SMIM35: variants seen among roughly 807,000 people sequenced by gnomAD.
The protein encoded by SMIM35 is small integral membrane protein 35.
Position 118,020,761 on chromosome 11 carries a change from G to A in SMIM35, c.8-4952C>T, listed in dbSNP as rs565383824. On this transcript the variant is annotated intron_variant, in intron 1 of 4. Coordinates refer to ENST00000689828, the MANE Select transcript of SMIM35 (RefSeq NM_001394165.1). ...GGATATGTAGACTATTATATTGTCC[G>A]CAAATAAAGGCCATTTGCTTTCTTA... Among the ~76,000 whole-genome samples the A allele has an allele frequency of 1.1e-4, 16 of 150,504 alleles. No individual in the cohort carries two copies. In the South Asian group the frequency reaches 1.9e-3, roughly 18 times the overall value.
intron 2 of SMIM35, 37 bp from the exon 3 acceptor site, chr11:118,014,778 C>T: frequency 2.5e-6 from 1 of 398,882 alleles, no homozygotes; most frequent in Non-Finnish European, 4.4e-6. Context: ...GTTAGCACCT[C>T]CAGGGGAAGC....
At chr11:118,061,865 A>G (rs1944399511) in intron 1 of SMIM35, among the ~76,000 whole-genome samples, 1 of 151,978 alleles carries the variant, frequency 6.6e-6, no homozygotes. Context: ...AGGGATTCCC[A>G]CTTTTGCAGC....
intron 1 of SMIM35, among the ~76,000 whole-genome samples, chr11:118,065,592 A>G (rs1243706209): frequency 2.0e-5 from 3 of 152,130 alleles, no homozygotes; most frequent in African/African-American, 7.2e-5. Flanking sequence ...GTAACTTTGT[A>G]ACTTCACTTC....
intron 1 of SMIM35, among the ~76,000 whole-genome samples, chr11:118,050,313 C>T (rs1380184364): frequency 1.3e-5 from 2 of 152,248 alleles, no homozygotes; most frequent in Non-Finnish European, 2.9e-5. Flanking sequence ...CCCCACAGGC[C>T]TCCTGGGCTC....
intron 1 of SMIM35, among the ~76,000 whole-genome samples, chr11:118,074,269 A>G (rs1249176886): frequency 6.6e-6 from 1 of 152,200 alleles, no homozygotes; most frequent in Non-Finnish European, 1.5e-5. Flanking sequence ...CATGCTGGAA[A>G]CAGATAAGGA....
chr11:118,051,114 T>C (rs1401374788), intron 1 of SMIM35, among the ~76,000 whole-genome samples: 1 of 152,218 alleles, frequency 6.6e-6, no homozygotes, highest in African/African-American at 2.4e-5. Flanking sequence ...AAAGGACCAG[T>C]GGATATCGGA....
intron 1 of SMIM35, among the ~76,000 whole-genome samples, chr11:118,067,860 C>CATATATATATAT (rs57497227): frequency 3.3e-4 from 27 of 80,936 alleles, no homozygotes; most frequent in South Asian, 7.9e-4. Flanking sequence ...CAACAACAAA[C>CATATATATATAT]ATATATATAT....
chr11:118,023,862 A>T (rs544381572), intron 1 of SMIM35, among the ~76,000 whole-genome samples: 1 of 152,212 alleles, frequency 6.6e-6, no homozygotes, highest in South Asian at 2.1e-4. Flanking sequence ...GTGAAACACC[A>T]TCTCTACCAA....
chr11:118,059,890 C>A (rs182645325), intron 1 of SMIM35, among the ~76,000 whole-genome samples: 1 of 152,228 alleles, frequency 6.6e-6, no homozygotes, highest in African/African-American at 2.4e-5. Context: ...GGATCAGAGG[C>A]CTCCCACTCC....
Position 118,073,763 on chromosome 11 carries a change from C to T in SMIM35, c.7+12988G>A, listed in dbSNP as rs548971028. Among the ~76,000 whole-genome samples the T allele has an allele frequency of 2.0e-5, 3 of 152,372 alleles. No homozygotes were observed. The East Asian group carries it at 5.8e-4, about 29-fold the overall frequency. ...GGCCTTGGACCTCCCCCATGGACAC[C>T]AGCGAGTTCCCCTGGCCTCTGGGTC... On this transcript the variant is annotated intron_variant, in intron 1 of 4. Transcript: ENST00000689828.
chr11:118,050,038 A>T (rs1477939268), intron 1 of SMIM35, among the ~76,000 whole-genome samples: 1 of 152,140 alleles, frequency 6.6e-6, no homozygotes, highest in Non-Finnish European at 1.5e-5. Context: ...AGGGTCTTTG[A>T]AGTCTCTCAG....
chr11:118,027,516 T>A (rs644920), intron 1 of SMIM35, among the ~76,000 whole-genome samples: 20,781 of 152,178 alleles, frequency 0.14, 1,455 homozygotes, highest in Admixed American at 0.16. Flanking sequence ...TCCTTTCCAT[T>A]ATTCTTTATT....
chr11:118,053,615 T>A (rs1251501817), intron 1 of SMIM35, among the ~76,000 whole-genome samples: 1 of 152,180 alleles, frequency 6.6e-6, no homozygotes, highest in Non-Finnish European at 1.5e-5. Context: ...CCCCAAGAAC[T>A]AGAGGCAACG....
At chr11:118,035,265 A>G (rs1257678753) in intron 1 of SMIM35, among the ~76,000 whole-genome samples, 1 of 152,048 alleles carries the variant, frequency 6.6e-6, no homozygotes, top group Non-Finnish European at 1.5e-5. Context: ...CATTAGCTCT[A>G]AGTAGAGCCC....
chr11:118,077,283 G>C, intron 1 of SMIM35: 1 of 1,601,044 alleles, frequency 6.2e-7, no homozygotes, highest in Non-Finnish European at 8.5e-7. Flanking sequence ...CAGGGAGACC[G>C]GGAGGATCAC....
intron 1 of SMIM35, among the ~76,000 whole-genome samples, chr11:118,034,097 A>G (rs1348336615): frequency 6.6e-6 from 1 of 150,550 alleles, no homozygotes; most frequent in African/African-American, 2.4e-5. Context: ...GTGAAACCCC[A>G]TCTCTCCTAA....
At chr11:118,055,654 ATCC>A (rs1366809609) in intron 1 of SMIM35, among the ~76,000 whole-genome samples, 1 of 152,104 alleles carries the variant, frequency 6.6e-6, no homozygotes, top group Non-Finnish European at 1.5e-5. Context: ...ATTCATTCTC[ATCC>A]TCCTCTTCAC....
chr11:118,013,699 C>T (rs560461039), intron 4 of SMIM35, 49 bp downstream of exon 4: 43 of 398,008 alleles, frequency 1.1e-4, no homozygotes, highest in African/African-American at 4.3e-4. Context: ...CTCTTAGGAC[C>T]TTACTTGGAC....
In SMIM35 at chr11:118,009,208, A is replaced by G. The variant is rs558292552; in HGVS notation, c.*34-2832T>C. On this transcript the variant is annotated intron_variant, in intron 4 of 4. Transcript: ENST00000689828. ...GGCTCCTGAGCGCCCTTCTCACCAC[A>G]CAAGGAGACCCCAAAAAGAGATTAG... is the stretch of plus-strand genomic sequence containing the variant. Among the ~76,000 whole-genome samples the G allele has an allele frequency of 3.9e-5, 6 of 152,292 alleles. No homozygotes were observed. The East Asian group carries it at 1.2e-3, about 29-fold the overall frequency.
Sources: allele counts gnomAD v4.1 joint callset (sites outside exome capture counted in the v4.1 genomes callset), GRCh38; gene constraint gnomAD v4.1.1; transcripts MANE v1.5; gene names NCBI Gene and HGNC (gene_info 2026-07-23, HGNC 2026-07-21).